Variants in NFASC observed in about 807,000 individuals in gnomAD.
The protein encoded by NFASC is neurofascin homolog.
A neutral mutation model predicts 147.5 loss-of-function variants in NFASC; 43 were observed. The ratio of observed to expected loss-of-function variants is 0.29; its 90% CI spans 0.23 to 0.38. The LOEUF (loss-of-function observed/expected upper bound fraction) is 0.38, where lower values mean the gene tolerates loss of function less well. Among genes scored for constraint, NFASC ranks in the 10% least tolerant of loss-of-function variants. The pLI is 1.00. For missense variants in NFASC, 1,320 were observed against 1,689.0 expected (o/e 0.78, Z 3.83); for synonymous variants, 622 against 665.5 (o/e 0.93, Z 1.01).
rs150682856 is a variant in NFASC, at chr1:204,880,818, C to T, written c.-199-39814C>T. Among the ~76,000 whole-genome samples the T allele has an allele frequency of 1.4e-3, 213 of 152,274 alleles. 7 individuals are homozygous for T. In the East Asian group the frequency reaches 0.037, roughly 27 times the overall value. On this transcript the variant is annotated intron_variant, in intron 1 of 29. Transcript: ENST00000339876. ...AAAGCAAAATTTTATGCAGGATCAGCGTCAGAGAGAACCCAAAAGAAAGTC... is the reference window on the plus strand; with the variant it reads ...AAAGCAAAATTTTATGCAGGATCAGTGTCAGAGAGAACCCAAAAGAAAGTC...
chr1:204,842,602 G>A (rs920463591), intron 1 of NFASC, among the ~76,000 whole-genome samples: 2 of 152,348 alleles, frequency 1.3e-5, no homozygotes, highest in East Asian at 1.9e-4. Context: ...AGCCTGGCCC[G>A]TTCTGTGTAA....
chr1:204,935,211 A>C (rs997243312), intron 2 of NFASC, among the ~76,000 whole-genome samples: 1 of 152,212 alleles, frequency 6.6e-6, no homozygotes, highest in Admixed American at 6.5e-5. Flanking sequence ...AGGAGAAAGA[A>C]GGAGAGCAGT....
rs559957133 is a variant in NFASC, at chr1:204,888,161, T to C, written c.-199-32471T>C. Among the ~76,000 whole-genome samples the C allele has an allele frequency of 6.8e-4, 103 of 152,292 alleles. 1 individual carries two copies. The highest frequency in any genetic ancestry group is 4.1e-3 in the South Asian group (20 of 4,828). On this transcript the variant is annotated intron_variant, in intron 1 of 29. Coordinates refer to ENST00000339876, the MANE Select transcript of NFASC (RefSeq NM_001005388.3). ...TCACCAGTTTCCATCCATATTTGTC[T>C]CCCTCTTTGCCTTTGGGCAGTTATC...
chr1:204,993,908 C>T, intron 24 of NFASC: 1 of 423,518 alleles, frequency 2.4e-6, no homozygotes, highest in Non-Finnish European at 4.9e-6. Context: ...AAGGTTTTCC[C>T]CATGGAACAC....
rs1008229890 is a variant in NFASC, at chr1:205,019,712, G to A, written c.*3173G>A. 3 of 152,242 alleles carry A rather than the reference G, an allele frequency of 2.0e-5. No individual in the cohort carries two copies. The highest frequency in any genetic ancestry group is 7.2e-5 in the African/African-American group (3 of 41,452). The allele number at this position is 152,242 out of a possible 1,614,324, so 9.4% of individuals were successfully genotyped here. On this transcript the variant is annotated 3_prime_UTR_variant, in exon 30 of 30. Coordinates refer to ENST00000339876, the MANE Select transcript of NFASC (RefSeq NM_001005388.3). Reference sequence around the variant, plus strand: ...GAGAGGGATTCTGAGGGAGAGCTTGGTCCATCTGGTCACCAAGGCTGGGCG... The same window carrying A: ...GAGAGGGATTCTGAGGGAGAGCTTGATCCATCTGGTCACCAAGGCTGGGCG...
chr1:204,887,745 T>C (rs1326772563), intron 1 of NFASC, among the ~76,000 whole-genome samples: 1 of 151,932 alleles, frequency 6.6e-6, no homozygotes, highest in East Asian at 1.9e-4. Flanking sequence ...CACAGGTGTG[T>C]ACCACAACGC....
intron 22 of NFASC, among the ~76,000 whole-genome samples, chr1:204,988,079 G>C (rs2095651925): frequency 6.6e-6 from 1 of 152,222 alleles, no homozygotes; most frequent in African/African-American, 2.4e-5. Flanking sequence ...CATTACATTT[G>C]AAACACTTTA....
At chr1:204,901,920 G>A (rs1437271422) in intron 1 of NFASC, among the ~76,000 whole-genome samples, 5 of 152,096 alleles carry the variant, frequency 3.3e-5, no homozygotes, top group South Asian at 2.1e-4. Context: ...GTGAGGGGGC[G>A]GCACCTGTGC....
chr1:204,975,997 C>T lies in NFASC; in HGVS notation c.1706+579C>T, dbSNP rs563519410. On this transcript the variant is annotated intron_variant, in intron 15 of 29. Transcript: ENST00000339876. This position sits in a 1 kb window ranked among gnomAD's most constrained non-coding sequence, Gnocchi z 4.0. ...TTCCAGTGTGCATCAGGGTTGAGAA[C>T]CACTGTTCCGAGCCTCCCTCCCCAG... Among the ~76,000 whole-genome samples the T allele has an allele frequency of 1.2e-3, 179 of 151,962 alleles. 6 individuals are homozygous for T. Among genetic ancestry groups the T allele is most frequent in the Non-Finnish European group, 7.1e-4 (48 of 67,936 alleles).
intron 1 of NFASC, among the ~76,000 whole-genome samples, chr1:204,900,230 G>A (rs2149175007): frequency 6.6e-6 from 1 of 152,298 alleles, no homozygotes; most frequent in African/African-American, 2.4e-5. Context: ...GTTAATTCAT[G>A]GTCAATACTG....
In NFASC at chr1:204,997,309, C is replaced by T. The variant is rs558013053; in HGVS notation, c.2922C>T (p.Thr974=). 26 of 1,591,870 alleles carry T rather than the reference C, an allele frequency of 1.6e-5. No homozygotes were observed. Among genetic ancestry groups the T allele is most frequent in the Non-Finnish European group, 2.0e-5 (23 of 1,169,250 alleles). ...TCGCACCTACCACCATCGCCACCAC[C>T]ACCACCGTCGCCACAACTACTACAA... The part of the protein sequence containing the change: ...PTVAPTTIAT[T]TTVATTTTTT... The change falls in exon 25 of 30, where the codon ACC becomes ACT. Residue 974 remains threonine, a synonymous_variant. Coordinates refer to ENST00000339876, the MANE Select transcript of NFASC (RefSeq NM_001005388.3).
chr1:204,829,614 C>G (rs1395667571), intron 1 of NFASC, among the ~76,000 whole-genome samples: 1 of 152,184 alleles, frequency 6.6e-6, no homozygotes, highest in Non-Finnish European at 1.5e-5. Flanking sequence ...CCTCTCCAGC[C>G]ATGCAGCCAC....
At chr1:204,977,241 A>G (rs148782587) in intron 16 of NFASC, 121 of 416,178 alleles carry the variant, frequency 2.9e-4, no homozygotes, top group Middle Eastern at 1.9e-3. Context: ...ATCACATGCT[A>G]TGCACTAAGC....
chr1:204,994,316 T>C (rs2095801459), intron 24 of NFASC, among the ~76,000 whole-genome samples: 1 of 152,156 alleles, frequency 6.6e-6, no homozygotes, highest in African/African-American at 2.4e-5. Flanking sequence ...CAATGCAGTG[T>C]AGAAACATCT....
intron 2 of NFASC, among the ~76,000 whole-genome samples, chr1:204,931,781 T>C (rs963785128): frequency 1.3e-5 from 2 of 152,152 alleles, no homozygotes; most frequent in African/African-American, 4.8e-5. Flanking sequence ...TGTCAATTAT[T>C]AGAGTCATCC....
chr1:204,845,678 G>T (rs889341684), intron 1 of NFASC, among the ~76,000 whole-genome samples: 1 of 152,122 alleles, frequency 6.6e-6, no homozygotes, highest in African/African-American at 2.4e-5. Flanking sequence ...CAGTCAGGAG[G>T]ATCCCTTGAG....
chr1:204,877,203 A>C (rs1572370935), intron 1 of NFASC, among the ~76,000 whole-genome samples: 1 of 150,528 alleles, frequency 6.6e-6, no homozygotes, highest in East Asian at 1.9e-4. Context: ...GGGGATGCAC[A>C]CATGCACAGT....
intron 10 of NFASC, among the ~76,000 whole-genome samples, chr1:204,970,345 A>T (rs995570648): frequency 4.3e-5 from 6 of 138,882 alleles, no homozygotes; most frequent in Admixed American, 3.4e-4. Context: ...CCCTTTTTTT[A>T]AAAAAAGCTC....
chr1:204,833,047 G>T (rs574581700), intron 1 of NFASC, among the ~76,000 whole-genome samples: 1 of 152,332 alleles, frequency 6.6e-6, no homozygotes, highest in South Asian at 2.1e-4. Context: ...ATGGCTGTGC[G>T]GGGTGCTTGA....
Sources: gnomAD v4.1 joint callset for allele counts (sites outside exome capture counted in the v4.1 genomes callset) on GRCh38, gnomAD v4.1.1 for gene constraint, Gnocchi (gnomAD v3.1) non-coding constraint, MANE v1.5 for transcripts, NCBI Gene and HGNC (gene_info 2026-07-23, HGNC 2026-07-21) for gene names.